GALK2: variants seen among roughly 807,000 people sequenced by gnomAD.
GALK2 encodes galactokinase 2.
GALK2 carries 36 observed loss-of-function variants against 52.4 expected under a neutral mutation model. The observed-to-expected ratio is 0.69, with a 90% CI of 0.53 to 0.91. GALK2 has a LOEUF of 0.91. Among genes scored for constraint, GALK2 ranks in the 40% least tolerant of loss-of-function variants. The pLI is 0.00. For synonymous variants in GALK2, 176 were observed against 199.1 expected (o/e 0.88, Z 0.98); for missense variants, 579 against 559.1 (o/e 1.04, Z -0.36).
chr15:49,279,550 C>T (rs532573734), intron 5 of GALK2, among the ~76,000 whole-genome samples: 1 of 152,260 alleles, frequency 6.6e-6, no homozygotes, highest in Admixed American at 6.5e-5. Context: ...TCATTTTTCT[C>T]ATGTCTATAA....
chr15:49,265,568 G>A (rs1003603416), intron 5 of GALK2, among the ~76,000 whole-genome samples: 11 of 152,232 alleles, frequency 7.2e-5, no homozygotes, highest in Non-Finnish European at 1.0e-4. Context: ...CGCGCAGTGC[G>A]CTGCATCCAC....
upstream of GALK2, among the ~76,000 whole-genome samples, chr15:49,166,338 CATAAAT>C (rs1308777281): frequency 6.6e-6 from 1 of 152,132 alleles, no homozygotes; most frequent in Non-Finnish European, 1.5e-5. Context: ...TCCATAACTA[CATAAAT>C]ATAGATTTCT....
chr15:49,282,233 G>A (rs2032803535), intron 6 of GALK2, 148 bp downstream of exon 6: 3 of 510,116 alleles, frequency 5.9e-6, no homozygotes, highest in Non-Finnish European at 1.0e-5. Context: ...CCAACTGCTT[G>A]TAACTCAAGG....
chr15:49,327,901 C>G lies in GALK2; in HGVS notation c.1170-51C>G. 1.9e-6 allele frequency: 3 copies of G among 1,549,358 alleles called. No homozygotes were observed. In the South Asian group the frequency reaches 3.6e-5, roughly 19 times the overall value. The stretch of plus-strand genomic sequence containing the variant: ...TGTGTTCTACAAACACCAAGCAAAT[C>G]CCTTGTATTTTCATTTATAGGTTCT... On this transcript the variant is annotated intron_variant, in intron 9 of 9. Coordinates refer to ENST00000560031, the MANE Select transcript of GALK2 (RefSeq NM_002044.4).
At chr15:49,286,733 CT>C (rs1373673097) in intron 7 of GALK2, among the ~76,000 whole-genome samples, 1 of 152,082 alleles carries the variant, frequency 6.6e-6, no homozygotes, top group Non-Finnish European at 1.5e-5. Flanking sequence ...GTTCAATGAA[CT>C]TTTTTTCTTT....
At chr15:49,156,650 C>T (rs1028304581) in intron 1 of GALK2, 4 of 519,312 alleles carry the variant, frequency 7.7e-6, no homozygotes, top group African/African-American at 3.9e-5. Context: ...TAAGAGCATT[C>T]CCAAAGGCAA....
chr15:49,283,248 T>C (rs2032946647), intron 6 of GALK2, among the ~76,000 whole-genome samples: 1 of 152,194 alleles, frequency 6.6e-6, no homozygotes, highest in Admixed American at 6.5e-5. Context: ...TACAGTAGGC[T>C]GTACTGATGA....
chr15:49,217,235 T>C lies in GALK2; in HGVS notation c.188T>C (p.Val63Ala), dbSNP rs573044562. 8.1e-6 allele frequency: 13 copies of C among 1,611,782 alleles called. 1 individual carries two copies. In the South Asian group the frequency reaches 1.4e-4, roughly 18 times the overall value. ...YCGYSVLPMAVEQDVLIAVEP... is the reference protein window; with the variant it reads ...YCGYSVLPMAAEQDVLIAVEP... ...GGATATTCTGTTCTTCCTATGGCTG[T>C]AGAACAAGATGTGCTAATAGCTGTA... Residue 63 changes from valine (V) to alanine (A), a missense_variant, in exon 3 of 10, where the codon GTA (valine) becomes GCA (alanine). Val to Ala is a moderately conservative substitution (Grantham distance 64, BLOSUM62 0). Transcript: ENST00000560031.
At chr15:49,215,124 T>C (rs1566944971) in intron 2 of GALK2, among the ~76,000 whole-genome samples, 1 of 152,242 alleles carries the variant, frequency 6.6e-6, no homozygotes. Context: ...TGTTCTTTGC[T>C]TCTTTTCTTT....
chr15:49,217,108 T>G, intron 2 of GALK2, 82 bp from the exon 3 acceptor site: 1 of 1,287,858 alleles, frequency 7.8e-7, no homozygotes, highest in Non-Finnish European at 1.1e-6. Flanking sequence ...TCATGGTCAG[T>G]TTTTTCCTGT....
intron 5 of GALK2, among the ~76,000 whole-genome samples, chr15:49,270,471 C>A (rs2030325322): frequency 6.6e-6 from 1 of 152,188 alleles, no homozygotes; most frequent in African/African-American, 2.4e-5. Context: ...TCTGCAATGT[C>A]TGAAAACAAA....
chr15:49,211,481 G>T (rs928284945), intron 2 of GALK2, among the ~76,000 whole-genome samples: 20 of 152,078 alleles, frequency 1.3e-4, no homozygotes, highest in African/African-American at 4.8e-4. Context: ...TTCCAAAGGT[G>T]CTTTCACATT....
At chr15:49,185,180 T>C (rs633333) in intron 1 of GALK2, among the ~76,000 whole-genome samples, 89,372 of 151,942 alleles carry the variant, frequency 0.59, 26,445 homozygotes, top group Middle Eastern at 0.66. Flanking sequence ...ATGTTTATGT[T>C]CATGTGTGCT....
intron 2 of GALK2, among the ~76,000 whole-genome samples, chr15:49,210,583 G>T (rs2088766728): frequency 6.6e-6 from 1 of 151,954 alleles, no homozygotes; most frequent in African/African-American, 2.4e-5. Context: ...GGGATTACAG[G>T]CACCCACCAC....
intron 1 of GALK2, among the ~76,000 whole-genome samples, chr15:49,173,189 C>T (rs1175477350): frequency 6.6e-6 from 1 of 152,132 alleles, no homozygotes; most frequent in African/African-American, 2.4e-5. Context: ...TGGCTTCTTC[C>T]ATGTGGCATA....
At chr15:49,338,229 G>A (rs1245075892) in intron 3 of GALK2, among the ~76,000 whole-genome samples, 1 of 152,060 alleles carries the variant, frequency 6.6e-6, no homozygotes, top group African/African-American at 2.4e-5. Flanking sequence ...TAGCATTGAT[G>A]GTCTTTACAA....
At chr15:49,210,957 T>TCACTCACA (rs2088813666) in intron 2 of GALK2, among the ~76,000 whole-genome samples, 1 of 112,768 alleles carries the variant, frequency 8.9e-6, no homozygotes. Context: ...ATGTTGGCTG[T>TCACTCACA]CACACACACA....
chr15:49,195,258 A>C, intron 1 of GALK2: 2 of 330,260 alleles, frequency 6.1e-6, no homozygotes, highest in Non-Finnish European at 5.9e-6. Flanking sequence ...TTTTTAGTAG[A>C]GATGGTGTTT....
intron 3 of GALK2, among the ~76,000 whole-genome samples, chr15:49,337,508 CTTTTTTTTTTTTTTTT>C (rs33973907): frequency 5.5e-5 from 2 of 36,080 alleles, no homozygotes; most frequent in Non-Finnish European, 9.9e-5. Context: ...CATTTACCCA[CTTTTTTTTTTTTTTTT>C]TTTTTTTTTT....
Sources: allele counts gnomAD v4.1 joint callset (sites outside exome capture counted in the v4.1 genomes callset), GRCh38; gene constraint gnomAD v4.1.1; transcripts MANE v1.5; gene names NCBI Gene and HGNC (gene_info 2026-07-23, HGNC 2026-07-21).